SNX1: variants seen among roughly 807,000 people sequenced by gnomAD.
SNX1 encodes the protein sorting nexin-1.
Under a neutral mutation model 71.8 loss-of-function variants are expected in SNX1, and 36 were observed. The ratio of observed to expected loss-of-function variants is 0.50; its 90% confidence interval spans 0.38 to 0.66. SNX1 has a LOEUF of 0.66. Ranked by LOEUF, SNX1 falls within the 30% of genes least tolerant of loss-of-function variation. The probability of loss-of-function intolerance (pLI) is 0.00; values close to 1 mark genes in which losing one functional copy is unlikely to be tolerated. For missense variants in SNX1, 612 were observed against 646.7 expected (o/e 0.95, Z 0.58); for synonymous variants, 254 against 240.7 (o/e 1.06, Z -0.51).
Position 64,143,960 on chromosome 15 carries a change from A to G in SNX1, c.*6342A>G, listed in dbSNP as rs1169348793. On this transcript the variant is annotated 3_prime_UTR_variant, in exon 15 of 15. Coordinates refer to ENST00000559844, the MANE Select transcript of SNX1 (RefSeq NM_003099.5). ...TTACACCGTTGAATATTTTACAGCC[A>G]TTGAAGATGATATATAGCTATATTC... The G allele has an allele frequency of 6.6e-6, 1 of 152,228 alleles. No individual in the cohort carries two copies. The highest frequency in any genetic ancestry group is 1.5e-5 in the Non-Finnish European group (1 of 68,042). The allele number at this position is 152,228 out of a possible 1,614,324, so 9.4% of individuals were successfully genotyped here. A position where few individuals can be genotyped will look rare whatever the true frequency, so the allele number is the denominator to read the frequency against.
At chr15:64,102,937 T>G (rs1309626145) in intron 1 of SNX1, among the ~76,000 whole-genome samples, 1 of 151,944 alleles carries the variant, frequency 6.6e-6, no homozygotes. Flanking sequence ...CAGCTAATTT[T>G]TGTATTTTTA....
At chr15:64,106,735 G>T (rs896053490) in intron 1 of SNX1, among the ~76,000 whole-genome samples, 1 of 152,182 alleles carries the variant, frequency 6.6e-6, no homozygotes, top group Non-Finnish European at 1.5e-5. Flanking sequence ...AATGTTACTG[G>T]CTTTGAAGAT....
rs35526278 is a variant in SNX1 at position 64,120,266 on chromosome 15, C to CTTTTTTTTTT, written c.466+1426_466+1435dup. ...TTAGACTTTATGCCAAAATGGTTGT[C>CTTTTTTTTTT]TTTTTTTTTTTTTTTTTTTTTTTGA... On this transcript the variant is annotated intron_variant, in intron 4 of 14. Transcript: ENST00000559844. Among the ~76,000 whole-genome samples the CTTTTTTTTTT allele has an allele frequency of 3.6e-4, 24 of 67,098 alleles. 1 individual carries two copies. The highest frequency in any genetic ancestry group is 1.4e-3 in the African/African-American group (24 of 17,640). The allele number at this position is 67,098 out of a possible 152,430, so 44.0% of individuals were successfully genotyped here. A position where few individuals can be genotyped will look rare whatever the true frequency, so the allele number is the denominator to read the frequency against.
chr15:64,096,266 C>A (rs759772441), intron 1 of SNX1, 94 bp downstream of exon 1: 1 of 1,415,894 alleles, frequency 7.1e-7, no homozygotes, highest in African/African-American at 1.5e-5. Flanking sequence ...AGAGTGGGCC[C>A]GGTGAGACCT....
At chr15:64,125,965 T>G (rs2081247564) in intron 5 of SNX1, 114 bp from the exon 6 acceptor site, 9 of 1,081,350 alleles carry the variant, frequency 8.3e-6, no homozygotes, top group Non-Finnish European at 1.2e-5. Flanking sequence ...ATTTGCCAGG[T>G]GACTGAAGGG....
chr15:64,115,637 C>T, intron 2 of SNX1: 1 of 327,886 alleles, frequency 3.0e-6, no homozygotes, highest in South Asian at 2.2e-5. Flanking sequence ...GGTCATGGCT[C>T]ACTGCAGCCC....
In SNX1 at chr15:64,141,271, T is replaced by C. The variant is rs1457135213; in HGVS notation, c.*3653T>C. ...TTCTGACGTAAGTCTGTTTTTCTTA[T>C]TTCCTTGGAATGATGTCTCCTCTGG... On this transcript the variant is annotated 3_prime_UTR_variant, in exon 15 of 15. Transcript: ENST00000559844. The surrounding 1 kb of genome is among the most constrained non-coding windows in gnomAD (Gnocchi z 5.1). The C allele has an allele frequency of 1.3e-5, 2 of 152,244 alleles. No individual in the cohort carries two copies. The highest frequency in any genetic ancestry group is 2.9e-5 in the Non-Finnish European group (2 of 68,038). The allele number at this position is 152,244 out of a possible 1,614,324, so 9.4% of individuals were successfully genotyped here.
At chr15:64,098,419 G>A (rs576593145) in intron 1 of SNX1, among the ~76,000 whole-genome samples, 2 of 152,278 alleles carry the variant, frequency 1.3e-5, no homozygotes, top group East Asian at 1.9e-4. Context: ...AGCAGTGGCC[G>A]AGTGCCATGC....
chr15:64,112,655 A>C lies in SNX1; in HGVS notation c.242A>C (p.Gln81Pro). 6.2e-7 allele frequency: 1 copy of C among 1,613,512 alleles called. No individual in the cohort carries two copies. Among genetic ancestry groups the C allele is most frequent in the Non-Finnish European group, 8.5e-7 (1 of 1,179,580 alleles). The change falls in exon 2 of 15, where the codon CAA becomes CCA. Residue 81 changes from glutamine (Q) to proline (P), a missense_variant. Transcript: ENST00000559844. ...GSKENGIHEE[Q>P]DQEPQDLFAD... Reference sequence around the variant, plus strand: ...AAAGAAAATGGGATCCATGAAGAACAAGACCAAGAGCCACAGGATCTCTTT... The same window carrying C: ...AAAGAAAATGGGATCCATGAAGAACCAGACCAAGAGCCACAGGATCTCTTT...
intron 4 of SNX1, among the ~76,000 whole-genome samples, chr15:64,120,108 G>A (rs1490817101): frequency 6.6e-6 from 1 of 152,082 alleles, no homozygotes. Flanking sequence ...ATCTTTCCTT[G>A]TTCTAGCTAT....
In SNX1 at chr15:64,131,875, C is replaced by A. The variant is rs1456278452; in HGVS notation, c.1204C>A (p.Leu402Ile). 4.3e-6 allele frequency: 7 copies of A among 1,614,202 alleles called. No individual in the cohort carries two copies. Among genetic ancestry groups the A allele is most frequent in the Non-Finnish European group, 5.9e-6 (7 of 1,180,020 alleles). ...TGAGCTCCTGAGTGACTACATTCGC[C>A]TCCTGGCCATAGTCCGCGTAAGCTT... ...LAELLSDYIRLLAIVRAAFDQ... is the reference protein window; with the variant it reads ...LAELLSDYIRILAIVRAAFDQ... Residue 402 changes from leucine to isoleucine, a missense_variant, in exon 11 of 15, where the codon CTC (leucine) becomes ATC (isoleucine). Physicochemically the swap from Leu to Ile is conservative, Grantham distance 5. Transcript: ENST00000559844.
At position 64,112,583 on chromosome 15, in the gene SNX1, A is replaced by G. The variant is rs767490689; in HGVS notation, c.170A>G (p.Gln57Arg). ...FTGAAVVSKH[Q>R]SPKITTSLLP... ...TCTCTTTGTTTTCAGAGTAAACATC[A>G]GTCTCCAAAGATAACTACATCCCTT... is the stretch of plus-strand genomic sequence containing the variant. The change falls in exon 2 of 15, where the codon CAG becomes CGG. Residue 57 changes from glutamine to arginine, a missense_variant. Physicochemically the swap from Gln to Arg is conservative, Grantham distance 43. Transcript: ENST00000559844. 1 of 1,601,120 alleles carries G rather than the reference A, an allele frequency of 6.2e-7. No individual in the cohort carries two copies. The highest frequency in any genetic ancestry group is 8.5e-7 in the Non-Finnish European group (1 of 1,170,742).
intron 5 of SNX1, among the ~76,000 whole-genome samples, chr15:64,125,261 G>A (rs557968218): frequency 2.6e-5 from 4 of 152,132 alleles, no homozygotes; most frequent in South Asian, 4.2e-4. Context: ...TCAGGAGTTC[G>A]AGAGCAGCCC....
intron 4 of SNX1, among the ~76,000 whole-genome samples, chr15:64,120,045 T>G (rs975806889): frequency 6.6e-6 from 1 of 152,154 alleles, no homozygotes; most frequent in Non-Finnish European, 1.5e-5. Context: ...AGGATGGCTT[T>G]CCCCTCTACC....
Position 64,134,816 on chromosome 15 carries a change from A to C in SNX1, c.1365+9A>C. On this transcript the variant is annotated intron_variant, in intron 12 of 14. Transcript: ENST00000559844. This position sits in a 1 kb window ranked among gnomAD's most constrained non-coding sequence, Gnocchi z 4.1. The stretch of plus-strand genomic sequence containing the variant: ...AGGACGAGATCCTCGAGGTGAGTCC[A>C]CTGAGGCAGCCCAGCCAGGGGTGTT... 1 of 1,613,678 alleles carries C rather than the reference A, an allele frequency of 6.2e-7. No individual in the cohort carries two copies. The highest frequency in any genetic ancestry group is 8.5e-7 in the Non-Finnish European group (1 of 1,179,956).
At chr15:64,118,013 A>T in intron 2 of SNX1, 104 bp from the exon 3 acceptor site, 1 of 1,087,432 alleles carries the variant, frequency 9.2e-7, no homozygotes, top group Non-Finnish European at 1.4e-6. Context: ...GCCTCTATGT[A>T]TTGAGAGTGC....
At chr15:64,115,563 CTTTTTTTT>C in intron 2 of SNX1, 3 of 324,624 alleles carry the variant, frequency 9.2e-6, no homozygotes, top group East Asian at 1.1e-4. Context: ...CTTCAAAAGG[CTTTTTTTT>C]TTTTTTTTTT....
chr15:64,127,622 T>A (rs1202815672), intron 7 of SNX1, 109 bp from the exon 8 acceptor site: 1 of 771,608 alleles, frequency 1.3e-6, no homozygotes, highest in African/African-American at 1.8e-5. Flanking sequence ...CTTAGGGTAC[T>A]TTAAGTACAA....
At chr15:64,133,285 G>A (rs1432312535) in intron 11 of SNX1, among the ~76,000 whole-genome samples, 1 of 152,252 alleles carries the variant, frequency 6.6e-6, no homozygotes. Flanking sequence ...ACTCAGATAA[G>A]AGGTTGCCCT....
Sources: gnomAD v4.1 joint callset for allele counts (sites outside exome capture counted in the v4.1 genomes callset) on GRCh38, gnomAD v4.1.1 for gene constraint, Gnocchi (gnomAD v3.1) non-coding constraint, MANE v1.5 for transcripts, NCBI Gene and HGNC (gene_info 2026-07-23, HGNC 2026-07-21) for gene names.